FBN1: variants seen among roughly 807,000 people sequenced by gnomAD.
The protein encoded by FBN1 is fibrillin-1.
In FBN1, 29 loss-of-function variants were observed where a neutral mutation model predicts 365.1. The ratio of observed to expected loss-of-function variants is 0.08; its 90% CI spans 0.06 to 0.11. FBN1 has a LOEUF of 0.11. Among genes scored for constraint, FBN1 ranks in the 10% least tolerant of loss-of-function variants. The probability of loss-of-function intolerance (pLI) is 1.00; values close to 1 mark genes in which losing one functional copy is unlikely to be tolerated. For missense variants in FBN1, 2,476 were observed against 3,703.2 expected, an observed-to-expected ratio of 0.67 and a Z score of 8.60; for synonymous variants, 1,210 against 1,270.5, an observed-to-expected ratio of 0.95 and a Z score of 1.01.
intron 6 of FBN1, among the ~76,000 whole-genome samples, 173 bp from the exon 7 acceptor site, chr15:48,537,981 C>T (rs967892083): frequency 1.3e-5 from 2 of 152,172 alleles, no homozygotes; most frequent in Non-Finnish European, 2.9e-5. Flanking sequence ...TACTTCTGAA[C>T]CCGATTTCCT....
intron 42 of FBN1, among the ~76,000 whole-genome samples, chr15:48,462,724 A>C (rs1338305098): frequency 1.3e-5 from 2 of 152,214 alleles, no homozygotes; most frequent in Non-Finnish European, 2.9e-5. Flanking sequence ...TTAAATAAGT[A>C]AAAAGACAAG....
intron 63 of FBN1, among the ~76,000 whole-genome samples, chr15:48,416,123 G>A (rs946917272): frequency 6.6e-6 from 1 of 152,154 alleles, no homozygotes; most frequent in African/African-American, 2.4e-5. Flanking sequence ...AACCAACATG[G>A]GGCTGGTCCG....
intron 5 of FBN1, among the ~76,000 whole-genome samples, chr15:48,599,574 G>A (rs682737): frequency 0.077 from 11,750 of 151,774 alleles, 499 homozygotes; most frequent in Middle Eastern, 0.16. Flanking sequence ...AAGAATGTTC[G>A]TCTTCTGCAA....
intron 25 of FBN1, 73 bp downstream of exon 25, chr15:48,489,778 G>GCTGAC: frequency 8.9e-7 from 1 of 1,127,062 alleles, no homozygotes; most frequent in East Asian, 2.3e-5. Flanking sequence ...CAAGTAGAGT[G>GCTGAC]CTGAGATCAT....
chr15:48,470,649 C>T lies in FBN1; in HGVS notation c.4444G>A (p.Gly1482Ser), dbSNP rs762532435. 30 of 1,613,896 alleles carry T rather than the reference C, an allele frequency of 1.9e-5. No homozygotes were observed. The highest frequency in any genetic ancestry group is 4.4e-5 in the South Asian group (4 of 91,074). The part of the protein sequence containing the change: ...CEIGYELDRS[G>S]GNCTDVNECL... ...GAGGTCTTACCTGTGCAGTTCCCGC[C>T]GCTTCTGTCCAGTTCGTAGCCTATC... The change falls in exon 36 of 66, where the codon GGC becomes AGC. Residue 1482 changes from glycine to serine, a missense_variant. Physicochemically the swap from Gly to Ser is moderately conservative, Grantham distance 56. Transcript: ENST00000316623.
intron 2 of FBN1, among the ~76,000 whole-genome samples, chr15:48,629,072 G>A (rs1221023584): frequency 1.3e-5 from 2 of 152,216 alleles, no homozygotes; most frequent in Non-Finnish European, 2.9e-5. Context: ...TCCAAGGACT[G>A]GCCAGTGCTG....
At chr15:48,570,158 G>A (rs919370082) in intron 6 of FBN1, among the ~76,000 whole-genome samples, 18 of 152,118 alleles carry the variant, frequency 1.2e-4, no homozygotes, top group African/African-American at 4.3e-4. Context: ...CACTGGATAA[G>A]TAAGCTTTAT....
chr15:48,434,500 A>C lies in FBN1; in HGVS notation c.6616+94T>G, dbSNP rs906868401. ...GGCCTAGATGATCTTTATTATATACACCCTGAGTTGTATTTAATATTAAGA... is the reference window on the plus strand; with the variant it reads ...GGCCTAGATGATCTTTATTATATACCCCCTGAGTTGTATTTAATATTAAGA... On this transcript the variant is annotated intron_variant, in intron 54 of 65. Transcript: ENST00000316623. 8.0e-6 allele frequency: 12 copies of C among 1,506,862 alleles called. No individual in the cohort carries two copies. In the African/African-American group the frequency reaches 1.6e-4, roughly 21 times the overall value. 93.3% of individuals were successfully genotyped at this position (1,506,862 alleles called of 1,614,324 possible).
At chr15:48,597,291 G>A (rs2044523488) in intron 5 of FBN1, among the ~76,000 whole-genome samples, 1 of 152,186 alleles carries the variant, frequency 6.6e-6, no homozygotes, top group African/African-American at 2.4e-5. Flanking sequence ...ACCACTTCCA[G>A]CTGCTGTACC....
chr15:48,584,115 T>C (rs2044417634), intron 6 of FBN1, among the ~76,000 whole-genome samples: 1 of 152,236 alleles, frequency 6.6e-6, no homozygotes, highest in African/African-American at 2.4e-5. Context: ...TTCATGTGAA[T>C]TTAAAATAGT....
intron 56 of FBN1, among the ~76,000 whole-genome samples, chr15:48,429,197 G>A (rs2043006902): frequency 6.6e-6 from 1 of 152,128 alleles, no homozygotes; most frequent in Admixed American, 6.5e-5. Context: ...AGGGAAAAAT[G>A]TGAATATCAG....
chr15:48,420,464 A>G (rs550069748), intron 63 of FBN1, among the ~76,000 whole-genome samples: 16 of 151,908 alleles, frequency 1.1e-4, no homozygotes, highest in Non-Finnish European at 1.9e-4. Context: ...TTCTGGGGGC[A>G]TTTCATTTCA....
At chr15:48,510,839 T>A (rs2043753476) in intron 13 of FBN1, among the ~76,000 whole-genome samples, 2 of 152,100 alleles carry the variant, frequency 1.3e-5, no homozygotes, top group Admixed American at 1.3e-4. Context: ...AAAATAACAA[T>A]AACTGAAACA....
Position 48,520,639 on chromosome 15 carries a change from A to G in FBN1, c.1147+20T>C, listed in dbSNP as rs746088095. On this transcript the variant is annotated intron_variant, in intron 10 of 65. Transcript: ENST00000316623. ...AGGGCTGGGATGGGATATTCTGCAG[A>G]TAACTGGAAGGGCTCTTACCGGTTG... The G allele has an allele frequency of 5.5e-5, 88 of 1,613,468 alleles. No homozygotes were observed. Among genetic ancestry groups the G allele is most frequent in the Non-Finnish European group, 7.0e-5 (83 of 1,179,672 alleles).
intron 55 of FBN1, among the ~76,000 whole-genome samples, chr15:48,432,025 A>G (rs1232051682): frequency 3.9e-5 from 6 of 152,190 alleles, no homozygotes; most frequent in Non-Finnish European, 8.8e-5. Context: ...TTTATATTAT[A>G]TATCTCAAAT....
intron 63 of FBN1, among the ~76,000 whole-genome samples, chr15:48,416,132 C>T (rs1017675293): frequency 2.0e-5 from 3 of 152,136 alleles, no homozygotes; most frequent in Non-Finnish European, 4.4e-5. Context: ...GGGGCTGGTC[C>T]GTAGCTAAGA....
intron 63 of FBN1, among the ~76,000 whole-genome samples, chr15:48,416,105 C>T (rs143343581): frequency 1.3e-5 from 2 of 152,246 alleles, no homozygotes; most frequent in South Asian, 2.1e-4. Context: ...TGTAAACATC[C>T]GGTCATGAAC....
At chr15:48,525,314 T>A (rs1030066101) in intron 9 of FBN1, among the ~76,000 whole-genome samples, 1 of 152,168 alleles carries the variant, frequency 6.6e-6, no homozygotes, top group Non-Finnish European at 1.5e-5. Context: ...CTTGAACTCC[T>A]GACCTGACTG....
chr15:48,517,640 G>A (rs1328564365), intron 10 of FBN1, among the ~76,000 whole-genome samples: 1 of 152,142 alleles, frequency 6.6e-6, no homozygotes, highest in Non-Finnish European at 1.5e-5. Context: ...GGTTTCCAAG[G>A]ATGTATTTAT....
Sources: gnomAD v4.1 joint callset for allele counts (sites outside exome capture counted in the v4.1 genomes callset) on GRCh38, gnomAD v4.1.1 for gene constraint, MANE v1.5 for transcripts, NCBI Gene and HGNC (gene_info 2026-07-23, HGNC 2026-07-21) for gene names.